Variants in PCDH15 observed in about 807,000 individuals in gnomAD.
The protein encoded by PCDH15 is protocadherin-15.
PCDH15 carries 129 observed loss-of-function variants against 178.5 expected under a neutral mutation model. That is an observed-to-expected ratio of 0.72 (90% confidence interval 0.63 to 0.84). The LOEUF is 0.84. Ranked by LOEUF, PCDH15 falls within the 40% of genes least tolerant of loss-of-function variation. PCDH15 has a pLI of 0.00. For synonymous variants in PCDH15, 800 were observed against 732.0 expected, an observed-to-expected ratio of 1.09 and a Z score of -1.50; for missense variants, 2,230 against 2,099.9, an observed-to-expected ratio of 1.06 and a Z score of -1.21.
At chr10:53,957,029 A>G (rs936367646) in intron 23 of PCDH15, among the ~76,000 whole-genome samples, 1 of 152,228 alleles carries the variant, frequency 6.6e-6, no homozygotes, top group Non-Finnish European at 1.5e-5. Flanking sequence ...CTTGGCCTCA[A>G]TGCCACAATA....
At chr10:55,321,726 C>T (rs61540587), upstream of PCDH15, among the ~76,000 whole-genome samples, 28 of 152,160 alleles carry the variant, frequency 1.8e-4, no homozygotes, top group African/African-American at 6.5e-4. Context: ...AAAATAAATT[C>T]CAACCAAGAA....
At chr10:54,446,904 TG>T in intron 3 of PCDH15, among the ~76,000 whole-genome samples, 1 of 151,708 alleles carries the variant, frequency 6.6e-6, no homozygotes, top group Admixed American at 6.6e-5. Context: ...AAGGAAAGAA[TG>T]CCTATAAGAT....
chr10:54,745,742 A>G (rs547391493), intron 1 of PCDH15, among the ~76,000 whole-genome samples: 20 of 152,208 alleles, frequency 1.3e-4, no homozygotes, highest in Non-Finnish European at 2.8e-4. Flanking sequence ...ATATAAGTGT[A>G]TAATATAAAA....
intron 2 of PCDH15, among the ~76,000 whole-genome samples, chr10:55,361,761 T>C (rs1221164586): frequency 6.6e-6 from 1 of 152,082 alleles, no homozygotes; most frequent in East Asian, 1.9e-4. Context: ...TCTTTTATCT[T>C]TCAAGCCTTA....
chr10:54,567,973 A>G (rs2089283924), intron 2 of PCDH15, among the ~76,000 whole-genome samples: 1 of 152,222 alleles, frequency 6.6e-6, no homozygotes, highest in African/African-American at 2.4e-5. Flanking sequence ...TATTTCTGCT[A>G]CGTATACTTA....
intron 3 of PCDH15, among the ~76,000 whole-genome samples, chr10:54,876,564 T>C (rs766588805): frequency 6.6e-6 from 1 of 152,092 alleles, no homozygotes; most frequent in Non-Finnish European, 1.5e-5. Context: ...CAACACCAAC[T>C]GGAATTAGGA....
intron 2 of PCDH15, among the ~76,000 whole-genome samples, chr10:55,508,098 A>C (rs1840800982): frequency 6.6e-6 from 1 of 151,664 alleles, no homozygotes; most frequent in Non-Finnish European, 1.5e-5. Context: ...AATTTTTTAA[A>C]ATTAGATTTT....
At chr10:54,229,192 T>G (rs2053792095) in intron 9 of PCDH15, among the ~76,000 whole-genome samples, 1 of 152,160 alleles carries the variant, frequency 6.6e-6, no homozygotes, top group Non-Finnish European at 1.5e-5. Context: ...TGTTATTAGG[T>G]CAAAACCGTG....
intron 21 of PCDH15, among the ~76,000 whole-genome samples, chr10:53,988,745 T>C (rs191732098): frequency 5.7e-4 from 86 of 151,990 alleles, no homozygotes; most frequent in Admixed American, 1.1e-3. Flanking sequence ...GAAAGTCTAT[T>C]ATATTTCACT....
intron 3 of PCDH15, among the ~76,000 whole-genome samples, chr10:54,443,109 T>C (rs1410435974): frequency 6.6e-6 from 1 of 151,632 alleles, no homozygotes; most frequent in Admixed American, 6.6e-5. Flanking sequence ...TTGACAAGCA[T>C]CTGAAATCAC....
At chr10:54,198,452 CTCTT>C (rs2049891917) in intron 10 of PCDH15, among the ~76,000 whole-genome samples, 2 of 148,554 alleles carry the variant, frequency 1.3e-5, no homozygotes, top group Non-Finnish European at 3.0e-5. Context: ...ATTTTTTTCT[CTCTT>C]TCTTGTATCT....
At chr10:54,010,337 G>A (rs984986184) in intron 20 of PCDH15, among the ~76,000 whole-genome samples, 8 of 151,604 alleles carry the variant, frequency 5.3e-5, no homozygotes, top group East Asian at 2.0e-4. Flanking sequence ...GGCAACCCCC[G>A]ACCTGGGCTC....
Position 55,209,563 on chromosome 10 carries a change from C to A in PCDH15, c.-155-42912G>T, listed in dbSNP as rs117766780. Among the ~76,000 whole-genome samples, 72 of 151,994 alleles carry A rather than the reference C, an allele frequency of 4.7e-4. 1 individual carries two copies. In the East Asian group the frequency reaches 0.011, roughly 23 times the overall value. On this transcript the variant is annotated intron_variant, in intron 1 of 5. Coordinates refer to the PCDH15 transcript ENST00000458638. The stretch of plus-strand genomic sequence containing the variant: ...AGGGGTGGGATAAAAACTGTCATAA[C>A]TTAGTATTGGTTTGGACATATGAAA...
chr10:54,787,818 T>C (rs1951033081), intron 1 of PCDH15, among the ~76,000 whole-genome samples: 1 of 152,006 alleles, frequency 6.6e-6, no homozygotes, highest in Admixed American at 6.6e-5. Context: ...TCAGCGAAGC[T>C]TGTAGCAAGC....
intron 2 of PCDH15, among the ~76,000 whole-genome samples, chr10:54,646,637 A>T (rs562131859): frequency 2.0e-5 from 3 of 152,194 alleles, no homozygotes; most frequent in Non-Finnish European, 4.4e-5. Flanking sequence ...GTATTGGATC[A>T]GTAGGGCAGT....
chr10:55,039,524 G>A (rs1258776200), intron 2 of PCDH15, among the ~76,000 whole-genome samples: 1 of 152,052 alleles, frequency 6.6e-6, no homozygotes. Flanking sequence ...AAGGAACAGA[G>A]ATGCTGATAA....
chr10:55,584,982 C>A (rs1842696761), intron 2 of PCDH15, among the ~76,000 whole-genome samples: 1 of 150,130 alleles, frequency 6.7e-6, no homozygotes, highest in Non-Finnish European at 1.5e-5. Context: ...GTTAAGTAAA[C>A]CCTTCTTGCT....
rs2132580888 is a variant in PCDH15, at chr10:53,827,549, C to T, written c.4212-1G>A. On this transcript the variant is annotated splice_acceptor_variant, in intron 31 of 37. Coordinates refer to ENST00000644397, the MANE Select transcript of PCDH15 (RefSeq NM_001384140.1). LOFTEE classifies it high-confidence loss of function. ...AGTCTTTGTACACTCAGCTTGACGT[C>T]TTGGATAAAGTAAGGATGGCTTGTA... The T allele has an allele frequency of 6.2e-7, 1 of 1,614,084 alleles. No individual in the cohort carries two copies. The highest frequency in any genetic ancestry group is 8.5e-7 in the Non-Finnish European group (1 of 1,179,964).
At position 54,276,964 on chromosome 10, in the gene PCDH15, T is replaced by C. The variant is rs1448734738; in HGVS notation, c.877-40033A>G. On this transcript the variant is annotated intron_variant, in intron 8 of 37. Transcript: ENST00000644397. ...AAATGGGGTTGCGCAGAGAGGGTGA[T>C]AGCTACAATTGCTTCTGTAATTATT... Among the ~76,000 whole-genome samples the C allele has an allele frequency of 4.6e-5, 7 of 151,454 alleles. No individual in the cohort carries two copies. In the East Asian group the frequency reaches 1.4e-3, roughly 29 times the overall value.
Sources: allele counts gnomAD v4.1 joint callset (sites outside exome capture counted in the v4.1 genomes callset), GRCh38; gene constraint gnomAD v4.1.1; transcripts MANE v1.5; gene names NCBI Gene and HGNC (gene_info 2026-07-23, HGNC 2026-07-21).